Variants in PLEKHA5 observed in about 807,000 individuals in gnomAD.
PLEKHA5 encodes pleckstrin homology domain containing A5.
PLEKHA5 carries 55 observed loss-of-function variants against 181.9 expected under a neutral mutation model. The ratio of observed to expected loss-of-function variants is 0.30; its 90% CI spans 0.24 to 0.38. The LOEUF (loss-of-function observed/expected upper bound fraction) is 0.38. Among genes scored for constraint, PLEKHA5 ranks in the 10% least tolerant of loss-of-function variants. The pLI is 1.00. For missense variants in PLEKHA5, 1,432 were observed against 1,549.5 expected (o/e 0.92, Z 1.27); for synonymous variants, 535 against 529.4 (o/e 1.01, Z -0.15).
chr12:19,327,648 T>G (rs1363854277), intron 20 of PLEKHA5, among the ~76,000 whole-genome samples: 32 of 149,312 alleles, frequency 2.1e-4, no homozygotes, highest in African/African-American at 7.9e-4. Flanking sequence ...TTTTTTCTTT[T>G]TTTTTTTTTT....
intron 26 of PLEKHA5, among the ~76,000 whole-genome samples, chr12:19,355,443 G>A (rs541053200): frequency 5.5e-5 from 8 of 145,530 alleles, no homozygotes; most frequent in East Asian, 2.1e-4. Context: ...CCTCCAACTC[G>A]TGGACTCAAG....
chr12:19,186,257 G>C (rs912639317), intron 3 of PLEKHA5, among the ~76,000 whole-genome samples: 1 of 152,198 alleles, frequency 6.6e-6, no homozygotes, highest in African/African-American at 2.4e-5. Flanking sequence ...TAAACTGTTT[G>C]ATGGGTGGTA....
chr12:19,321,117 G>A (rs2090582081), intron 18 of PLEKHA5, among the ~76,000 whole-genome samples: 1 of 150,872 alleles, frequency 6.6e-6, no homozygotes, highest in Non-Finnish European at 1.5e-5. Flanking sequence ...AGTGAGCCAA[G>A]ATCATTCCAC....
chr12:19,352,667 A>T (rs1209581129), intron 25 of PLEKHA5, among the ~76,000 whole-genome samples: 2 of 149,114 alleles, frequency 1.3e-5, no homozygotes, highest in African/African-American at 4.9e-5. Context: ...CTCCCATCTC[A>T]GCCTCCCAAA....
At chr12:19,152,340 A>T (rs1327783296) in intron 3 of PLEKHA5, 1 of 152,238 alleles carries the variant, frequency 6.6e-6, no homozygotes, top group Admixed American at 6.5e-5. Flanking sequence ...ACAGTGGAAG[A>T]TTTTACAAAT....
At chr12:19,195,629 C>T (rs984484344) in intron 3 of PLEKHA5, among the ~76,000 whole-genome samples, 48 of 136,022 alleles carry the variant, frequency 3.5e-4, no homozygotes, top group Non-Finnish European at 5.7e-4. Context: ...GCTGAGATTG[C>T]GCCATTGCAC....
chr12:19,291,145 A>G (rs2152844627), intron 14 of PLEKHA5, among the ~76,000 whole-genome samples: 1 of 152,346 alleles, frequency 6.6e-6, no homozygotes, highest in Non-Finnish European at 1.5e-5. Context: ...AATATTGAGA[A>G]GTCCTATAAT....
At chr12:19,209,536 T>C (rs907345553) in intron 3 of PLEKHA5, among the ~76,000 whole-genome samples, 5 of 152,188 alleles carry the variant, frequency 3.3e-5, no homozygotes, top group African/African-American at 1.2e-4. Flanking sequence ...CCAAAACTGT[T>C]GCACCCAGAT....
chr12:19,341,270 C>T (rs2093904908), intron 21 of PLEKHA5, among the ~76,000 whole-genome samples: 3 of 151,930 alleles, frequency 2.0e-5, no homozygotes, highest in Middle Eastern at 3.2e-3. Context: ...GAGTGAGACT[C>T]AGCCTCAAAA....
At chr12:19,297,939 C>T (rs2080336902) in intron 15 of PLEKHA5, among the ~76,000 whole-genome samples, 1 of 152,004 alleles carries the variant, frequency 6.6e-6, no homozygotes, top group Non-Finnish European at 1.5e-5. Context: ...GGCACAGTGG[C>T]TCACGCCTGT....
At position 19,334,799 on chromosome 12, in the gene PLEKHA5, T is replaced by C. The variant is rs1215502989; in HGVS notation, c.2449-1716T>C. Among the ~76,000 whole-genome samples, 4 of 82,476 alleles carry C rather than the reference T, an allele frequency of 4.8e-5. No individual in the cohort carries two copies. The East Asian group carries it at 9.1e-4, about 19-fold the overall frequency. The allele number at this position is 82,476 out of a possible 152,430, so 54.1% of individuals were successfully genotyped here. A position where few individuals can be genotyped will look rare whatever the true frequency, so the allele number is the denominator to read the frequency against. ...CAGTTAGAGAGCAACCTGGGCAACATGGCAAAATCCTGTCTTCACAAAAAA... is the reference window on the plus strand; with the variant it reads ...CAGTTAGAGAGCAACCTGGGCAACACGGCAAAATCCTGTCTTCACAAAAAA... On this transcript the variant is annotated intron_variant, in intron 20 of 31. Coordinates refer to ENST00000429027, the MANE Select transcript of PLEKHA5 (RefSeq NM_001256470.2).
chr12:19,345,873 T>C lies in PLEKHA5; in HGVS notation c.2694T>C (p.Val898=). 6.7e-7 allele frequency: 1 copy of C among 1,488,898 alleles called. No homozygotes were observed. The highest frequency in any genetic ancestry group is 1.8e-5 in the Admixed American group (1 of 56,948). 92.2% of individuals were successfully genotyped at this position (1,488,898 alleles called of 1,614,324 possible). The stretch of plus-strand genomic sequence containing the variant: ...TAGGATCAAAGCCTTTCTCAACAGT[T>C]AAGTACAAAAATGAGGTAAGTTTGG... ...GMIGSKPFST[V]KYKNEEEEVV... is the part of the protein sequence containing the mutation. Residue 898 remains valine (V), a synonymous_variant, in exon 23 of 32, where the codon GTT becomes GTC. Coordinates refer to ENST00000429027, the MANE Select transcript of PLEKHA5 (RefSeq NM_001256470.2).
intron 28 of PLEKHA5, among the ~76,000 whole-genome samples, chr12:19,361,076 T>G (rs1035241636): frequency 6.6e-6 from 1 of 151,852 alleles, no homozygotes; most frequent in South Asian, 2.1e-4. Flanking sequence ...TTTAGACAAA[T>G]AACTTTTTGC....
chr12:19,184,039 C>G (rs1007835226), intron 3 of PLEKHA5, among the ~76,000 whole-genome samples: 23 of 152,164 alleles, frequency 1.5e-4, no homozygotes, highest in African/African-American at 5.5e-4. Context: ...TTGTTAAGGC[C>G]TCTACAGAAA....
At chr12:19,290,598 T>C in intron 13 of PLEKHA5, 79 bp from the exon 14 acceptor site, 1 of 1,332,324 alleles carries the variant, frequency 7.5e-7, no homozygotes. Flanking sequence ...TGCCAAGAAA[T>C]CTTGGTTTAA....
chr12:19,151,653 A>T (rs1303868317), intron 3 of PLEKHA5: 1 of 152,008 alleles, frequency 6.6e-6, no homozygotes, highest in African/African-American at 2.4e-5. Context: ...TATTTTAAGT[A>T]TTTTTTTATT....
chr12:19,223,470 A>G (rs1476428790), intron 3 of PLEKHA5, among the ~76,000 whole-genome samples: 1 of 152,146 alleles, frequency 6.6e-6, no homozygotes, highest in Admixed American at 6.5e-5. Context: ...GAAATCTGGG[A>G]CTTTCAATCC....
rs1029890471 is a variant in PLEKHA5 at position 19,255,103 on chromosome 12, G to A, written c.370G>A (p.Glu124Lys). The change falls in exon 5 of 32, where the codon GAA (glutamate) becomes AAA (lysine). Residue 124 changes from glutamate to lysine, a missense_variant. By Grantham distance (56) the Glu-to-Lys change is moderately conservative. Around this residue, in one of 2 missense-constraint regions of PLEKHA5, gnomAD observed 289 missense variants for 381.1 expected, o/e 0.76. Coordinates refer to ENST00000429027, the MANE Select transcript of PLEKHA5 (RefSeq NM_001256470.2). ...KKERPISMIN[E>K]ASNYNVTSDY... is the part of the protein sequence containing the mutation. ...GGAACGGCCAATAAGTATGATAAAT[G>A]AAGCTTCTAACTATAACGTGACTTC... The A allele has an allele frequency of 6.2e-7, 1 of 1,610,180 alleles. No homozygotes were observed. Among genetic ancestry groups the A allele is most frequent in the South Asian group, 1.1e-5 (1 of 90,790 alleles).
rs113731256 is a variant in PLEKHA5, at chr12:19,329,801, G to A, written c.2449-6714G>A. Among the ~76,000 whole-genome samples, 3 of 152,054 alleles carry A rather than the reference G, an allele frequency of 2.0e-5. 1 individual carries two copies. The highest frequency in any genetic ancestry group is 7.2e-5 in the African/African-American group (3 of 41,454). On this transcript the variant is annotated intron_variant, in intron 20 of 31. Transcript: ENST00000429027. The stretch of plus-strand genomic sequence containing the variant: ...ACCAACTTTTGATTTCCCCAGGCTG[G>A]TGTGGTGGCTCATACTTGTAATCCT...
Sources: allele counts gnomAD v4.1 joint callset (sites outside exome capture counted in the v4.1 genomes callset), GRCh38; gene constraint gnomAD v4.1.1; regional missense constraint gnomAD v4.1.1; transcripts MANE v1.5; gene names NCBI Gene and HGNC (gene_info 2026-07-23, HGNC 2026-07-21).